Variants in PDZRN3 observed in about 807,000 individuals in gnomAD.
PDZRN3 encodes PDZ domain containing ring finger 3.
In PDZRN3, 38 loss-of-function variants were observed where a neutral mutation model predicts 85.7. That is an observed-to-expected ratio of 0.44 (90% CI 0.34 to 0.58). The LOEUF (loss-of-function observed/expected upper bound fraction) is 0.58, where lower values mean the gene tolerates loss of function less well. PDZRN3 is among the 20% of genes least tolerant of loss of function. The pLI, the probability that PDZRN3 is intolerant of heterozygous loss-of-function variation, is 0.01. For missense variants in PDZRN3, 1,629 were observed against 1,506.4 expected, an observed-to-expected ratio of 1.08 and a Z score of -1.35; for synonymous variants, 759 against 638.0, an observed-to-expected ratio of 1.19 and a Z score of -2.86.
intron 3 of PDZRN3, among the ~76,000 whole-genome samples, chr3:73,591,549 C>T (rs1006226476): frequency 1.3e-5 from 2 of 152,062 alleles, no homozygotes; most frequent in Non-Finnish European, 2.9e-5. Flanking sequence ...GTCATATAGC[C>T]GTCATCAAAG....
chr3:73,411,677 T>C (rs1701971641), intron 3 of PDZRN3, among the ~76,000 whole-genome samples: 1 of 151,302 alleles, frequency 6.6e-6, no homozygotes, highest in African/African-American at 2.5e-5. Flanking sequence ...AAGGGGCTGC[T>C]GGGTGACTCA....
chr3:73,537,664 G>A (rs1229616315), intron 3 of PDZRN3, among the ~76,000 whole-genome samples: 2 of 151,970 alleles, frequency 1.3e-5, no homozygotes, highest in African/African-American at 4.8e-5. Context: ...CTGTCGCCCA[G>A]GCTGGAGTGC....
chr3:73,623,255 G>C (rs919241495), intron 1 of PDZRN3, among the ~76,000 whole-genome samples: 1 of 152,208 alleles, frequency 6.6e-6, no homozygotes, highest in Non-Finnish European at 1.5e-5. Context: ...TTCGCACTGA[G>C]GGAAACTGAG....
chr3:73,576,190 C>A (rs1702121818), intron 3 of PDZRN3, among the ~76,000 whole-genome samples: 1 of 152,012 alleles, frequency 6.6e-6, no homozygotes, highest in Non-Finnish European at 1.5e-5. Flanking sequence ...CCTCCACTAC[C>A]CCAAACTGAG....
chr3:73,520,178 A>G (rs1704330020), intron 3 of PDZRN3, among the ~76,000 whole-genome samples: 1 of 152,122 alleles, frequency 6.6e-6, no homozygotes, highest in South Asian at 2.1e-4. Context: ...TTTGTCTCCT[A>G]TATATCTTTG....
At chr3:73,501,437 C>T (rs188343696) in intron 3 of PDZRN3, among the ~76,000 whole-genome samples, 24 of 152,192 alleles carry the variant, frequency 1.6e-4, no homozygotes, top group African/African-American at 5.8e-4. Flanking sequence ...TCTCCAGCTT[C>T]CCCCTTTCCC....
chr3:73,429,569 A>G (rs572175272), intron 3 of PDZRN3, among the ~76,000 whole-genome samples: 3 of 152,134 alleles, frequency 2.0e-5, no homozygotes, highest in Non-Finnish European at 2.9e-5. Context: ...TCTGATTAGT[A>G]TTTACTTTGG....
intron 3 of PDZRN3, among the ~76,000 whole-genome samples, chr3:73,473,359 G>T (rs1013192349): frequency 1.3e-5 from 2 of 152,060 alleles, no homozygotes; most frequent in Non-Finnish European, 2.9e-5. Flanking sequence ...GACCCCAGGA[G>T]GGCTCCATCT....
intron 3 of PDZRN3, among the ~76,000 whole-genome samples, chr3:73,462,812 C>G (rs1435529035): frequency 1.3e-5 from 2 of 152,190 alleles, no homozygotes; most frequent in African/African-American, 2.4e-5. Flanking sequence ...CACATTAGCA[C>G]ATTTAACATT....
intron 3 of PDZRN3, among the ~76,000 whole-genome samples, chr3:73,438,026 T>C (rs1017532137): frequency 6.6e-6 from 1 of 152,234 alleles, no homozygotes; most frequent in South Asian, 2.1e-4. Flanking sequence ...TTGATGAAGA[T>C]GCTTAACGTC....
At chr3:73,584,452 G>GGTGTGTGTGTGT (rs56393203) in intron 3 of PDZRN3, among the ~76,000 whole-genome samples, 5 of 83,916 alleles carry the variant, frequency 6.0e-5, no homozygotes, top group African/African-American at 1.7e-4. Context: ...TTCATTTAAT[G>GGTGTGTGTGTGT]GTGTGTGTGT....
chr3:73,521,622 G>T (rs565482422), intron 3 of PDZRN3, among the ~76,000 whole-genome samples: 1 of 152,120 alleles, frequency 6.6e-6, no homozygotes, highest in Non-Finnish European at 1.5e-5. Context: ...TGCTGAAGTC[G>T]ATGGCTGCTG....
intron 5 of PDZRN3, among the ~76,000 whole-genome samples, chr3:73,397,787 G>A (rs1701669905): frequency 1.3e-5 from 2 of 152,196 alleles, no homozygotes; most frequent in Non-Finnish European, 2.9e-5. Context: ...TAAGAGAAAT[G>A]ACCTGGTGAC....
At chr3:73,433,939 C>CACAT in intron 3 of PDZRN3, 9 of 1,393,328 alleles carry the variant, frequency 6.5e-6, no homozygotes, top group Non-Finnish European at 8.4e-6. Context: ...CACACACACA[C>CACAT]ACATACACAC....
At chr3:73,474,384 A>C in intron 3 of PDZRN3, 1 of 884,246 alleles carries the variant, frequency 1.1e-6, no homozygotes, top group Non-Finnish European at 1.6e-6. Flanking sequence ...TCGGTGGTGT[A>C]TAATGAGCAA....
intron 3 of PDZRN3, among the ~76,000 whole-genome samples, chr3:73,500,206 A>G (rs534462825): frequency 3.4e-4 from 52 of 152,148 alleles, no homozygotes; most frequent in East Asian, 2.3e-3. Context: ...ATGCCACCAC[A>G]GCTGGCTAAT....
intron 3 of PDZRN3, among the ~76,000 whole-genome samples, chr3:73,448,012 A>C (rs1702785353): frequency 6.6e-6 from 1 of 152,040 alleles, no homozygotes; most frequent in South Asian, 2.1e-4. Flanking sequence ...TAGCACACAC[A>C]TTTTCTTCTT....
intron 3 of PDZRN3, among the ~76,000 whole-genome samples, chr3:73,470,758 C>G (rs1405841943): frequency 6.6e-6 from 1 of 152,176 alleles, no homozygotes; most frequent in African/African-American, 2.4e-5. Context: ...AGTCTACATG[C>G]AGGACCCAAA....
At chr3:73,561,073 G>A (rs537943068) in intron 3 of PDZRN3, among the ~76,000 whole-genome samples, 6 of 152,154 alleles carry the variant, frequency 3.9e-5, no homozygotes, top group East Asian at 1.9e-4. Context: ...AAGAGATCCC[G>A]ACAATAAACT....
Sources: allele counts gnomAD v4.1 joint callset (sites outside exome capture counted in the v4.1 genomes callset), GRCh38; gene constraint gnomAD v4.1.1; transcripts MANE v1.5; gene names NCBI Gene and HGNC (gene_info 2026-07-23, HGNC 2026-07-21).